The following SLC22A24 variants were observed in gnomAD, a reference collection of about 807,000 sequenced individuals.
SLC22A24 encodes the protein solute carrier family 22 member 24, also known as steroid transmembrane transporter SLC22A24.
A neutral mutation model predicts 49.8 loss-of-function variants in SLC22A24; 53 were observed. That is an observed-to-expected ratio of 1.06 (90% CI 0.85 to 1.34). The LOEUF is 1.34. Among genes scored for constraint, SLC22A24 ranks in the 40% most tolerant of loss-of-function variants. The pLI is 0.00. For missense variants in SLC22A24, 786 were observed against 675.9 expected (o/e 1.16, Z -1.81); for synonymous variants, 302 against 256.4 (o/e 1.18, Z -1.70).
chr11:63,106,122 C>T (rs2087120116), intron 4 of SLC22A24, among the ~76,000 whole-genome samples: 1 of 146,046 alleles, frequency 6.8e-6, no homozygotes, highest in East Asian at 2.1e-4. Flanking sequence ...TGATGTTCCC[C>T]TTCCTGTGTC....
At chr11:63,122,661 C>A (rs904414944) in intron 2 of SLC22A24, among the ~76,000 whole-genome samples, 8 of 151,942 alleles carry the variant, frequency 5.3e-5, no homozygotes, top group South Asian at 2.1e-4. Flanking sequence ...ACTACAGGCA[C>A]CCATCACCAT....
At position 63,095,486 on chromosome 11, in the gene SLC22A24, T is replaced by C. The variant is rs150451271; in HGVS notation, c.1070+505A>G. On this transcript the variant is annotated intron_variant, in intron 6 of 9. Coordinates refer to ENST00000612278, the MANE Select transcript of SLC22A24 (RefSeq NM_001136506.2). ...TAGCATGATTCCATTAATATTAAAT[T>C]CAAGAACCAGCAAATGTAATCTGCA... Among the ~76,000 whole-genome samples the C allele has an allele frequency of 2.6e-5, 4 of 152,274 alleles. No individual in the cohort carries two copies. In the East Asian group the frequency reaches 7.7e-4, roughly 29 times the overall value.
intron 2 of SLC22A24, among the ~76,000 whole-genome samples, chr11:63,125,749 C>T (rs4544004): frequency 0.8 from 121,038 of 151,910 alleles, 49,239 homozygotes; most frequent in East Asian, 0.9. Flanking sequence ...TCCACAATGG[C>T]TGAACTAATT....
At chr11:63,100,142 G>T (rs2087081852) in intron 5 of SLC22A24, among the ~76,000 whole-genome samples, 1 of 152,032 alleles carries the variant, frequency 6.6e-6, no homozygotes, top group Non-Finnish European at 1.5e-5. Context: ...AATTATCTTT[G>T]TTTACAAATG....
Position 63,090,796 on chromosome 11 carries a change from T to G in SLC22A24, c.1070+5195A>C, listed in dbSNP as rs1274228671. 2.6e-5 allele frequency among the ~76,000 whole-genome samples: 4 copies of G among 151,950 alleles called. No individual in the cohort carries two copies. In the East Asian group the frequency reaches 7.7e-4, roughly 29 times the overall value. On this transcript the variant is annotated intron_variant, in intron 6 of 9. Coordinates refer to ENST00000612278, the MANE Select transcript of SLC22A24 (RefSeq NM_001136506.2). The stretch of plus-strand genomic sequence containing the variant: ...GGTAAAGCAGTGTTAAGAAAGAAAT[T>G]TTGTAGCCCTGAATGCCTACCACAG...
intron 2 of SLC22A24, among the ~76,000 whole-genome samples, chr11:63,130,933 A>G (rs531362067): frequency 1.6e-4 from 24 of 150,572 alleles, no homozygotes; most frequent in African/African-American, 5.9e-4. Flanking sequence ...GTCTTTAAGA[A>G]CTTGCTTTAT....
intron 2 of SLC22A24, among the ~76,000 whole-genome samples, chr11:63,131,536 G>C (rs1056338759): frequency 2.6e-5 from 4 of 152,132 alleles, no homozygotes; most frequent in African/African-American, 9.7e-5. Context: ...CTTCACTTAT[G>C]AAGCTTAGTT....
At chr11:63,141,680 A>G (rs1233718675) in intron 1 of SLC22A24, among the ~76,000 whole-genome samples, 1 of 152,168 alleles carries the variant, frequency 6.6e-6, no homozygotes, top group African/African-American at 2.4e-5. Context: ...GAGGGTTCAA[A>G]CCCATGGCTG....
At chr11:63,088,371 A>ACAACATCCACAT (rs1555045483) in intron 6 of SLC22A24, among the ~76,000 whole-genome samples, 2 of 151,016 alleles carry the variant, frequency 1.3e-5, no homozygotes, top group African/African-American at 4.9e-5. Context: ...ACAGAAAGCT[A>ACAACATCCACAT]CAACATCAAC....
chr11:63,084,214 G>C (rs1349535497), intron 6 of SLC22A24, among the ~76,000 whole-genome samples: 1 of 152,168 alleles, frequency 6.6e-6, no homozygotes, highest in Non-Finnish European at 1.5e-5. Context: ...CTGGACTTGA[G>C]TGCAGTGGCC....
At chr11:63,127,998 C>A (rs1270490203) in intron 2 of SLC22A24, among the ~76,000 whole-genome samples, 3 of 146,842 alleles carry the variant, frequency 2.0e-5, no homozygotes, top group Non-Finnish European at 4.5e-5. Flanking sequence ...CACCCAGGCA[C>A]CGACGCAAGA....
Position 63,096,001 on chromosome 11 carries a change from A to G in SLC22A24, c.1060T>C (p.Cys354Arg). The change falls in exon 6 of 10, where the codon TGC becomes CGC. Residue 354 changes from cysteine (C) to arginine (R), a missense_variant. By Grantham distance (180) the Cys-to-Arg change is radical (BLOSUM62 -3). Coordinates refer to ENST00000612278, the MANE Select transcript of SLC22A24 (RefSeq NM_001136506.2). Reference protein sequence around the residue: ...PKLRMRVFGLCFVRFAITVPF... With the variant: ...PKLRMRVFGLRFVRFAITVPF... ...CCAAATGGAACTTACCTCACAAAGC[A>G]CAGGCCGAAGACTCTCATTCGCAAT... 1.3e-6 allele frequency: 2 copies of G among 1,549,504 alleles called. No homozygotes were observed. The highest frequency in any genetic ancestry group is 1.7e-6 in the Non-Finnish European group (2 of 1,145,262).
intron 6 of SLC22A24, among the ~76,000 whole-genome samples, chr11:63,085,894 T>C (rs2086984433): frequency 6.6e-6 from 1 of 152,222 alleles, no homozygotes; most frequent in Non-Finnish European, 1.5e-5. Flanking sequence ...GCTATCATAT[T>C]AGCACTATCA....
intron 5 of SLC22A24, among the ~76,000 whole-genome samples, chr11:63,103,971 C>T (rs371323035): frequency 2.0e-5 from 3 of 152,226 alleles, no homozygotes; most frequent in South Asian, 2.1e-4. Context: ...TTTAATTAAA[C>T]AATTATATCC....
rs990286616 is a variant in SLC22A24 at position 63,143,941 on chromosome 11, C to T, written c.-162G>A. On this transcript the variant is annotated 5_prime_UTR_variant, in exon 1 of 10. Coordinates refer to ENST00000612278, the MANE Select transcript of SLC22A24 (RefSeq NM_001136506.2). Reference sequence around the variant, plus strand: ...TGCACTGAGTGGTGTGACACTACTGCAGAAGAGCAGTGGAAGGACTTTCCC... The same window carrying T: ...TGCACTGAGTGGTGTGACACTACTGTAGAAGAGCAGTGGAAGGACTTTCCC... 17 of 479,762 alleles carry T rather than the reference C, an allele frequency of 3.5e-5. No individual in the cohort carries two copies. Among genetic ancestry groups the T allele is most frequent in the Non-Finnish European group, 5.0e-5 (15 of 300,966 alleles). The allele number at this position is 479,762 out of a possible 1,614,324, so 29.7% of individuals were successfully genotyped here.
intron 4 of SLC22A24, among the ~76,000 whole-genome samples, chr11:63,111,273 G>C (rs1180697391): frequency 6.6e-6 from 1 of 151,760 alleles, no homozygotes; most frequent in Admixed American, 6.6e-5. Context: ...GAGGATATTT[G>C]CATCAATGTT....
Position 63,113,119 on chromosome 11 carries a change from T to C in SLC22A24, c.830+5793A>G, listed in dbSNP as rs1349726729. On this transcript the variant is annotated intron_variant, in intron 4 of 9. Transcript: ENST00000612278. ...ATATATATACATATATATACACATA[T>C]ATATATACATATATATATACACATA... Among the ~76,000 whole-genome samples, 23 of 13,582 alleles carry C rather than the reference T, an allele frequency of 1.7e-3. 8 individuals carry two copies. Among genetic ancestry groups the C allele is most frequent in the African/African-American group, 3.7e-3 (23 of 6,156 alleles). The allele number at this position is 13,582 out of a possible 152,430, so 8.9% of individuals were successfully genotyped here. A position where few individuals can be genotyped will look rare whatever the true frequency, so the allele number is the denominator to read the frequency against.
intron 4 of SLC22A24, among the ~76,000 whole-genome samples, chr11:63,110,420 T>C (rs2087154542): frequency 6.6e-6 from 1 of 151,724 alleles, no homozygotes. Flanking sequence ...TGGCATTGAA[T>C]CTATAAATTA....
At chr11:63,115,121 T>C (rs1312047389) in intron 4 of SLC22A24, among the ~76,000 whole-genome samples, 2 of 152,202 alleles carry the variant, frequency 1.3e-5, no homozygotes, top group Non-Finnish European at 1.5e-5. Flanking sequence ...GACGTTTAAG[T>C]CTGCTGAAGT....
Sources: allele counts gnomAD v4.1 joint callset (sites outside exome capture counted in the v4.1 genomes callset), GRCh38; gene constraint gnomAD v4.1.1; transcripts MANE v1.5; gene names NCBI Gene and HGNC (gene_info 2026-07-23, HGNC 2026-07-21).